Variants in CADM2 observed in about 807,000 individuals in gnomAD.
The protein encoded by CADM2 is immunoglobulin superfamily member 4D.
A neutral mutation model predicts 49.8 loss-of-function variants in CADM2; 12 were observed. The ratio of observed to expected loss-of-function variants is 0.24; its 90% CI spans 0.15 to 0.39. The LOEUF is 0.39. CADM2 is among the 10% of genes least tolerant of loss of function. CADM2 has a pLI of 1.00. For synonymous variants in CADM2, 214 were observed against 175.4 expected, an observed-to-expected ratio of 1.22 and a Z score of -1.74; for missense variants, 378 against 492.3, an observed-to-expected ratio of 0.77 and a Z score of 2.20.
intron 8 of CADM2, among the ~76,000 whole-genome samples, chr3:86,029,934 C>T (rs924926001): frequency 6.6e-6 from 1 of 151,906 alleles, no homozygotes; most frequent in Non-Finnish European, 1.5e-5. Context: ...GGTGTGGAGC[C>T]CTTGAGGAAC....
chr3:85,897,317 C>T (rs1455923489), intron 5 of CADM2, among the ~76,000 whole-genome samples: 5 of 118,128 alleles, frequency 4.2e-5, no homozygotes, highest in African/African-American at 1.3e-4. Context: ...GGCCGGACTG[C>T]GGACTGCAGT....
chr3:85,294,465 A>T (rs2043896923), intron 1 of CADM2, among the ~76,000 whole-genome samples: 1 of 152,066 alleles, frequency 6.6e-6, no homozygotes, highest in African/African-American at 2.4e-5. Flanking sequence ...GAACCAAAAA[A>T]GAGCCCACAT....
intron 1 of CADM2, among the ~76,000 whole-genome samples, chr3:85,410,937 C>CT (rs1335827373): frequency 6.6e-6 from 1 of 152,158 alleles, no homozygotes; most frequent in Non-Finnish European, 1.5e-5. Context: ...CGGTTTACTT[C>CT]TAATGGTAGA....
At chr3:85,942,427 G>A (rs9876425) in intron 7 of CADM2, among the ~76,000 whole-genome samples, 32,533 of 150,966 alleles carry the variant, frequency 0.22, 4,009 homozygotes, top group African/African-American at 0.34. Context: ...CTGGTGCGCT[G>A]CACCCACTAA....
At chr3:86,033,478 G>T (rs539008795) in intron 8 of CADM2, among the ~76,000 whole-genome samples, 2 of 151,784 alleles carry the variant, frequency 1.3e-5, no homozygotes, top group East Asian at 3.9e-4. Flanking sequence ...CCTCTGTACA[G>T]TAGGTGGGTA....
At chr3:85,034,790 CT>C (rs1179967499) in intron 1 of CADM2, among the ~76,000 whole-genome samples, 6,303 of 84,000 alleles carry the variant, frequency 0.075, 191 homozygotes, top group African/African-American at 0.13. Context: ...AGACATTTTG[CT>C]TTTTTTTTTT....
At chr3:84,986,727 C>T (rs539399104) in intron 1 of CADM2, among the ~76,000 whole-genome samples, 1 of 151,046 alleles carries the variant, frequency 6.6e-6, no homozygotes, top group East Asian at 2.0e-4. Flanking sequence ...ACATTGTGCA[C>T]ATGTACCCTA....
chr3:85,238,634 A>AAAC (rs1254567678), intron 1 of CADM2, among the ~76,000 whole-genome samples: 2 of 151,908 alleles, frequency 1.3e-5, no homozygotes, highest in Non-Finnish European at 2.9e-5. Flanking sequence ...GTTTGTTCTG[A>AAAC]TGAAGTAATT....
intron 1 of CADM2, among the ~76,000 whole-genome samples, chr3:85,096,887 G>T (rs2037817624): frequency 1.3e-5 from 2 of 152,054 alleles, no homozygotes; most frequent in African/African-American, 4.8e-5. Context: ...AATTTGGACT[G>T]TCAAGTTATT....
chr3:85,504,829 G>A (rs1287379523), intron 1 of CADM2, among the ~76,000 whole-genome samples: 3 of 152,202 alleles, frequency 2.0e-5, no homozygotes, highest in African/African-American at 7.2e-5. Flanking sequence ...CCGCGGGAAG[G>A]CAGCTAAGGC....
intron 1 of CADM2, among the ~76,000 whole-genome samples, chr3:85,709,042 C>T (rs1473880224): frequency 4.6e-5 from 7 of 151,736 alleles, no homozygotes; most frequent in Non-Finnish European, 4.4e-5. Context: ...CTCTTTTAGT[C>T]AGTGAGAACT....
chr3:85,569,150 A>G (rs879244932), intron 1 of CADM2, among the ~76,000 whole-genome samples: 15 of 152,028 alleles, frequency 9.9e-5, no homozygotes, highest in Non-Finnish European at 1.5e-4. Context: ...TCCACACCCA[A>G]TCCTGATTTC....
At position 85,775,936 on chromosome 3, in the gene CADM2, A is replaced by T. The variant is rs554292540; in HGVS notation, c.89-26111A>T. On this transcript the variant is annotated intron_variant, in intron 2 of 9. Coordinates refer to ENST00000383699, the MANE Select transcript of CADM2 (RefSeq NM_001167675.2). Reference sequence around the variant, plus strand: ...GGATTTTTAGAGCAAAAGAAGAAACATAATTTTAGTACAGGCAACTATTTC... The same window carrying T: ...GGATTTTTAGAGCAAAAGAAGAAACTTAATTTTAGTACAGGCAACTATTTC... 1.9e-4 allele frequency among the ~76,000 whole-genome samples: 29 copies of T among 152,030 alleles called. 1 individual carries two copies. The South Asian group carries it at 6.0e-3, about 31-fold the overall frequency.
Position 85,105,061 on chromosome 3 carries a change from T to A in CADM2, c.61+145393T>A, listed in dbSNP as rs569302495. ...TCTTTTCCTAGTTGAATAGCCTTTATTTCCTTCTCCTGCCTAATTTCCCTG... is the reference window on the plus strand; with the variant it reads ...TCTTTTCCTAGTTGAATAGCCTTTAATTCCTTCTCCTGCCTAATTTCCCTG... On this transcript the variant is annotated intron_variant, in intron 1 of 9. Transcript: ENST00000383699. Among the ~76,000 whole-genome samples, 66 of 152,232 alleles carry A rather than the reference T, an allele frequency of 4.3e-4. 1 individual carries two copies. The highest frequency in any genetic ancestry group is 1.5e-3 in the African/African-American group (61 of 41,546).
At chr3:84,997,703 A>G (rs2033251073) in intron 1 of CADM2, among the ~76,000 whole-genome samples, 1 of 152,032 alleles carries the variant, frequency 6.6e-6, no homozygotes, top group African/African-American at 2.4e-5. Flanking sequence ...TTTATATATG[A>G]ATATCAAAAA....
intron 8 of CADM2, chr3:86,013,637 T>C: frequency 3.7e-6 from 6 of 1,602,318 alleles, no homozygotes; most frequent in Non-Finnish European, 5.1e-6. Flanking sequence ...TCACTGACGA[T>C]GTAGTGGACA....
Position 85,961,521 on chromosome 3 carries a change from C to A in CADM2, c.844C>A (p.Arg282=). 6.2e-7 allele frequency: 1 copy of A among 1,606,628 alleles called. No individual in the cohort carries two copies. Among genetic ancestry groups the A allele is most frequent in the Non-Finnish European group, 8.5e-7 (1 of 1,174,810 alleles). Reference sequence around the variant, plus strand: ...TGGCGGAGAATTACCAGATCCTGACCGAATGGTTGTGAGTGGTAGGGAGCT... The same window carrying A: ...TGGCGGAGAATTACCAGATCCTGACAGAATGGTTGTGAGTGGTAGGGAGCT... ...KDGGELPDPD[R]MVVSGRELNI... The change falls in exon 8 of 10, where the codon CGA becomes AGA. Residue 282 remains arginine, a synonymous_variant. Coordinates refer to ENST00000383699, the MANE Select transcript of CADM2 (RefSeq NM_001167675.2).
At chr3:85,781,650 A>G (rs754344433) in intron 2 of CADM2, among the ~76,000 whole-genome samples, 2 of 152,184 alleles carry the variant, frequency 1.3e-5, no homozygotes, top group Non-Finnish European at 2.9e-5. Flanking sequence ...TAAAACCTCC[A>G]TCATCTTGAT....
intron 1 of CADM2, among the ~76,000 whole-genome samples, chr3:85,027,475 T>C (rs998238597): frequency 6.6e-6 from 1 of 152,128 alleles, no homozygotes; most frequent in Non-Finnish European, 1.5e-5. Context: ...TTCACTGGAA[T>C]AATTTTAATA....
Sources: allele counts gnomAD v4.1 joint callset (sites outside exome capture counted in the v4.1 genomes callset), GRCh38; gene constraint gnomAD v4.1.1; transcripts MANE v1.5; gene names NCBI Gene and HGNC (gene_info 2026-07-23, HGNC 2026-07-21).